DMRT3: variants seen among roughly 807,000 people sequenced by gnomAD.
DMRT3 encodes doublesex and mab-3 related transcription factor 3.
A neutral mutation model predicts 34.9 loss-of-function variants in DMRT3; 29 were observed. That is an observed-to-expected ratio of 0.83 (90% CI 0.62 to 1.13). The LOEUF (loss-of-function observed/expected upper bound fraction) is 1.13. Among genes scored for constraint, DMRT3 ranks in the 50% most tolerant of loss-of-function variants. The probability of loss-of-function intolerance (pLI) is 0.00; values close to 1 mark genes in which losing one functional copy is unlikely to be tolerated. For missense variants in DMRT3, 772 were observed against 629.1 expected (o/e 1.23, Z -2.43); for synonymous variants, 350 against 286.0 (o/e 1.22, Z -2.26).
In DMRT3 at chr9:990,717, G is replaced by A. The variant is rs560657467; in HGVS notation, c.1131G>A (p.Ala377=). Residue 377 remains alanine, a synonymous_variant, in exon 2 of 2, where the codon GCG becomes GCA. Transcript: ENST00000190165. ...RYPLMLRNTL[A]RSQSSPFLPN... ...CGCTGATGCTGAGGAATACTTTGGC[G>A]AGAAGCCAGTCGAGCCCCTTTTTGC... 75 of 1,614,060 alleles carry A rather than the reference G, an allele frequency of 4.6e-5. 1 individual carries two copies. The East Asian group carries it at 9.8e-4, about 21-fold the overall frequency.
chr9:989,902 T>A (rs1040460132), intron 1 of DMRT3, 139 bp from the exon 2 acceptor site: 72 of 1,134,850 alleles, frequency 6.3e-5, no homozygotes, highest in Middle Eastern at 6.2e-4. Context: ...CGAATTTTTT[T>A]AAAAAGGCTT....
chr9:984,603 C>G (rs888115519), intron 1 of DMRT3, among the ~76,000 whole-genome samples: 6 of 151,986 alleles, frequency 3.9e-5, no homozygotes, highest in Admixed American at 1.3e-4. Context: ...ACTACAGGCA[C>G]CTGCCACCAT....
rs1033463761 is a variant in DMRT3 at position 976,975 on chromosome 9, C to T, written c.-27C>T. ...TCCCTGGCCCTCTCCCGCAGCCAGGCTGCCAACTCATTCGGGAGCCCGGGG... is the reference window on the plus strand; with the variant it reads ...TCCCTGGCCCTCTCCCGCAGCCAGGTTGCCAACTCATTCGGGAGCCCGGGG... On this transcript the variant is annotated 5_prime_UTR_variant, in exon 1 of 2. Coordinates refer to ENST00000190165, the MANE Select transcript of DMRT3 (RefSeq NM_021240.4). This position sits in a 1 kb window ranked among gnomAD's most constrained non-coding sequence, Gnocchi z 4.5. 1.4e-6 allele frequency: 2 copies of T among 1,456,756 alleles called. No homozygotes were observed. Among genetic ancestry groups the T allele is most frequent in the African/African-American group, 2.9e-5 (2 of 68,398 alleles). The allele number at this position is 1,456,756 out of a possible 1,614,324, so 90.2% of individuals were successfully genotyped here. A position where few individuals can be genotyped will look rare whatever the true frequency, so the allele number is the denominator to read the frequency against.
At chr9:980,699 T>C (rs897007991) in intron 1 of DMRT3, among the ~76,000 whole-genome samples, 8 of 135,980 alleles carry the variant, frequency 5.9e-5, no homozygotes, top group East Asian at 2.1e-4. Flanking sequence ...CCCATGAAAA[T>C]ACAGGAGGCA....
chr9:990,147 G>C lies in DMRT3; in HGVS notation c.561G>C (p.Lys187Asn), dbSNP rs957741485. The C allele has an allele frequency of 2.5e-6, 4 of 1,613,956 alleles. No individual in the cohort carries two copies. Among genetic ancestry groups the C allele is most frequent in the Middle Eastern group, 1.6e-4 (1 of 6,084 alleles). The change falls in exon 2 of 2, where the codon AAG becomes AAC. Residue 187 changes from lysine (K) to asparagine (N), a missense_variant. Coordinates refer to ENST00000190165, the MANE Select transcript of DMRT3 (RefSeq NM_021240.4). ...QRSSPDVAKS[K>N]GCFTPESPEI... The stretch of plus-strand genomic sequence containing the variant: ...GTTCCCCAGATGTGGCAAAGAGTAA[G>C]GGCTGCTTCACCCCTGAGAGCCCTG...
intron 1 of DMRT3, among the ~76,000 whole-genome samples, chr9:984,622 A>G (rs1366443607): frequency 1.3e-5 from 2 of 150,508 alleles, no homozygotes; most frequent in African/African-American, 4.9e-5. Flanking sequence ...ATGCTCGGCT[A>G]TTTTTTTTTG....
chr9:984,803 A>G (rs1008937077), intron 1 of DMRT3, among the ~76,000 whole-genome samples: 3 of 152,050 alleles, frequency 2.0e-5, no homozygotes, highest in African/African-American at 4.8e-5. Context: ...TGTTTCTCAT[A>G]TGTGGTAGAC....
At chr9:981,620 C>A (rs1167596393) in intron 1 of DMRT3, among the ~76,000 whole-genome samples, 2 of 152,202 alleles carry the variant, frequency 1.3e-5, no homozygotes, top group Admixed American at 1.3e-4. Flanking sequence ...AGCTCTTGGC[C>A]TGGCCGGTTT....
rs747592507 is a variant in DMRT3, at chr9:990,297, G to A, written c.711G>A (p.Gly237=). The change falls in exon 2 of 2, where the codon GGG becomes GGA. Residue 237 remains glycine (G), a synonymous_variant. Coordinates refer to ENST00000190165, the MANE Select transcript of DMRT3 (RefSeq NM_021240.4). ...QNHLLIEGPS[G]TVSLPFSLKA... ...ACCTCCTGATTGAGGGCCCCTCGGG[G>A]ACTGTTTCTCTGCCCTTCAGCTTGA... 11 of 1,613,694 alleles carry A rather than the reference G, an allele frequency of 6.8e-6. No homozygotes were observed. In the African/African-American group the frequency reaches 1.2e-4, roughly 18 times the overall value.
intron 1 of DMRT3, among the ~76,000 whole-genome samples, chr9:980,555 T>TATA (rs1820203650): frequency 6.6e-6 from 1 of 152,074 alleles, no homozygotes; most frequent in South Asian, 2.1e-4. Context: ...TTAAAAGCTA[T>TATA]ATATATAGCT....
intron 1 of DMRT3, among the ~76,000 whole-genome samples, chr9:984,223 G>C (rs1820255272): frequency 6.6e-6 from 1 of 152,114 alleles, no homozygotes; most frequent in African/African-American, 2.4e-5. Context: ...TTATTTACAG[G>C]TGTGTTCCCC....
At position 990,761 on chromosome 9, in the gene DMRT3, G is replaced by A; in HGVS notation, c.1175G>A (p.Trp392Ter). The A allele has an allele frequency of 6.2e-7, 1 of 1,614,136 alleles. No homozygotes were observed. The highest frequency in any genetic ancestry group is 1.1e-5 in the South Asian group (1 of 91,074). Reference protein sequence around the residue: ...SPFLPNDVTLWNTMTLQQQYQ... With the variant: ...SPFLPNDVTL The stretch of plus-strand genomic sequence containing the variant: ...TTTTTGCCCAATGATGTCACCCTGT[G>A]GAACACCATGACGCTGCAGCAGCAG... The change falls in exon 2 of 2, where the codon TGG becomes TAG. Residue 392 changes from tryptophan to a stop codon, truncating the protein, a stop_gained. Transcript: ENST00000190165. LOFTEE classifies it high-confidence loss of function.
chr9:990,170 C>T lies in DMRT3; in HGVS notation c.584C>T (p.Pro195Leu). 1 of 1,613,990 alleles carries T rather than the reference C, an allele frequency of 6.2e-7. No homozygotes were observed. Among genetic ancestry groups the T allele is most frequent in the Non-Finnish European group, 8.5e-7 (1 of 1,180,010 alleles). Reference protein sequence around the residue: ...KSKGCFTPESPEIVSVEEGGY... With the variant: ...KSKGCFTPESLEIVSVEEGGY... ...AAGGGCTGCTTCACCCCTGAGAGCC[C>T]TGAGATAGTGTCCGTGGAGGAAGGG... The change falls in exon 2 of 2, where the codon CCT (proline) becomes CTT (leucine). Residue 195 changes from proline (P) to leucine (L), a missense_variant. Coordinates refer to ENST00000190165, the MANE Select transcript of DMRT3 (RefSeq NM_021240.4).
At chr9:983,468 C>T in intron 1 of DMRT3, among the ~76,000 whole-genome samples, 1 of 152,154 alleles carries the variant, frequency 6.6e-6, no homozygotes, top group Admixed American at 6.5e-5. Context: ...ATATAACCAA[C>T]TGCAGCTTAC....
At chr9:981,345 G>A (rs1820218233) in intron 1 of DMRT3, among the ~76,000 whole-genome samples, 1 of 152,066 alleles carries the variant, frequency 6.6e-6, no homozygotes, top group South Asian at 2.1e-4. Flanking sequence ...AGGCCAGGAT[G>A]AGAAACCCTC....
At chr9:985,887 C>G (rs141892955) in intron 1 of DMRT3, among the ~76,000 whole-genome samples, 90 of 152,324 alleles carry the variant, frequency 5.9e-4, no homozygotes, top group African/African-American at 2.2e-3. Flanking sequence ...CTTTCATCAT[C>G]TTTGTCTTTC....
At position 976,978 on chromosome 9, in the gene DMRT3, C is replaced by T. The variant is rs1820156144; in HGVS notation, c.-24C>T. ...CTGGCCCTCTCCCGCAGCCAGGCTG[C>T]CAACTCATTCGGGAGCCCGGGGCAT... On this transcript the variant is annotated 5_prime_UTR_variant, in exon 1 of 2. Transcript: ENST00000190165. This position sits in a 1 kb window ranked among gnomAD's most constrained non-coding sequence, Gnocchi z 4.5. The T allele has an allele frequency of 6.8e-7, 1 of 1,460,290 alleles. No individual in the cohort carries two copies. Among genetic ancestry groups the T allele is most frequent in the Non-Finnish European group, 9.1e-7 (1 of 1,103,830 alleles). 90.5% of individuals were successfully genotyped at this position (1,460,290 alleles called of 1,614,324 possible).
chr9:981,160 C>T (rs554409748), intron 1 of DMRT3, among the ~76,000 whole-genome samples: 2 of 152,014 alleles, frequency 1.3e-5, no homozygotes, highest in African/African-American at 2.4e-5. Flanking sequence ...GGAAAACTGC[C>T]TTTATTTTAT....
At chr9:979,497 C>A (rs1820190479) in intron 1 of DMRT3, among the ~76,000 whole-genome samples, 1 of 152,110 alleles carries the variant, frequency 6.6e-6, no homozygotes. Flanking sequence ...CATCAGGGAC[C>A]AAGGGCTCAG....
Sources: allele counts gnomAD v4.1 joint callset (sites outside exome capture counted in the v4.1 genomes callset), GRCh38; gene constraint gnomAD v4.1.1; non-coding constraint Gnocchi (gnomAD v3.1); transcripts MANE v1.5; gene names NCBI Gene and HGNC (gene_info 2026-07-23, HGNC 2026-07-21).